IL15RA: variants seen among roughly 807,000 people sequenced by gnomAD.
The protein encoded by IL15RA is interleukin-15 receptor subunit alpha.
Under a neutral mutation model 24.2 loss-of-function variants are expected in IL15RA, and 26 were observed. The observed-to-expected ratio is 1.07, with a 90% CI of 0.79 to 1.49. The LOEUF (loss-of-function observed/expected upper bound fraction) is 1.49, where lower values mean the gene tolerates loss of function less well. IL15RA is among the 40% of genes most tolerant of loss of function. IL15RA has a pLI of 0.00. For missense variants in IL15RA, 354 were observed against 356.4 expected, an observed-to-expected ratio of 0.99 and a Z score of 0.05; for synonymous variants, 166 against 157.6, an observed-to-expected ratio of 1.05 and a Z score of -0.40.
chr10:5,977,744 T>G, upstream of IL15RA: 1 of 918,378 alleles, frequency 1.1e-6, no homozygotes, highest in Non-Finnish European at 1.4e-6. Flanking sequence ...CCGGGACGCA[T>G]GGGCCGTGCC....
At position 5,959,878 on chromosome 10, in the gene IL15RA, T is replaced by C. The variant is rs1032885288; in HGVS notation, c.584-92A>G. 122 of 1,226,182 alleles carry C rather than the reference T, an allele frequency of 9.9e-5. 1 individual carries two copies. In the South Asian group the frequency reaches 1.5e-3, roughly 15 times the overall value. 76.0% of individuals were successfully genotyped at this position (1,226,182 alleles called of 1,614,324 possible). The stretch of plus-strand genomic sequence containing the variant: ...GAAAATCTGCATGGCTTGGCTCCCA[T>C]CTTAGCACCCTGGGAGACTCGTGGC... On this transcript the variant is annotated intron_variant, in intron 4 of 6. Transcript: ENST00000379977. This position sits in a 1 kb window ranked among gnomAD's most constrained non-coding sequence, Gnocchi z 4.1.
Position 5,960,298 on chromosome 10 carries a change from G to GGATCTCAGCCCC in IL15RA, c.583+57_583+68dup. On this transcript the variant is annotated intron_variant, in intron 4 of 6. Coordinates refer to ENST00000379977, the MANE Select transcript of IL15RA (RefSeq NM_002189.4). This position sits in a 1 kb window ranked among gnomAD's most constrained non-coding sequence, Gnocchi z 5.1. Reference sequence around the variant, plus strand: ...TGATGGTATAAAGCTGCCTTGTGCCGGATCTCAGCCCCGATCTCAGAAGCA... The same window carrying GGATCTCAGCCCC: ...TGATGGTATAAAGCTGCCTTGTGCCGGATCTCAGCCCCGATCTCAGCCCCGATCTCAGAAGCA... 1.4e-6 allele frequency: 2 copies of GGATCTCAGCCCC among 1,390,848 alleles called. No individual in the cohort carries two copies. Among genetic ancestry groups the GGATCTCAGCCCC allele is most frequent in the Non-Finnish European group, 2.0e-6 (2 of 979,320 alleles). 86.2% of individuals were successfully genotyped at this position (1,390,848 alleles called of 1,614,324 possible).
At chr10:5,949,825 G>C (rs41294017), downstream of IL15RA, among the ~76,000 whole-genome samples, 2,198 of 152,250 alleles carry the variant, frequency 0.014, 25 homozygotes, top group Admixed American at 0.019. The surrounding 1 kb of genome is among the most constrained non-coding windows in gnomAD (Gnocchi z 4.4). Context: ...TGCCAGGCAC[G>C]GTGGCTCAAG....
rs8177768 is a variant in IL15RA at position 5,975,403 on chromosome 10, G to A, written c.88+2002C>T. ...AAGTGCATCAAATTGCCTGGGAGAT[G>A]GGCGAGGTGGGAGATGAGGACTGTG... On this transcript the variant is annotated intron_variant, in intron 1 of 6. Coordinates refer to ENST00000379977, the MANE Select transcript of IL15RA (RefSeq NM_002189.4). This position sits in a 1 kb window ranked among gnomAD's most constrained non-coding sequence, Gnocchi z 4.8. Among the ~76,000 whole-genome samples the A allele has an allele frequency of 3.8e-3, 582 of 152,116 alleles. 1 individual carries two copies. The highest frequency in any genetic ancestry group is 5.6e-3 in the Non-Finnish European group (384 of 68,018).
chr10:5,952,197 T>C (rs766737716), downstream of IL15RA, among the ~76,000 whole-genome samples: 3 of 152,162 alleles, frequency 2.0e-5, no homozygotes, highest in Non-Finnish European at 4.4e-5. Flanking sequence ...TAGATAATGC[T>C]GCTTCTCCTC....
In IL15RA at chr10:5,963,736, T is replaced by C. The variant is rs910101794; in HGVS notation, c.382+7A>G. The C allele has an allele frequency of 9.9e-6, 15 of 1,507,860 alleles. No individual in the cohort carries two copies. Among genetic ancestry groups the C allele is most frequent in the African/African-American group, 2.9e-5 (2 of 68,104 alleles). The allele number at this position is 1,507,860 out of a possible 1,614,324, so 93.4% of individuals were successfully genotyped here. A position where few individuals can be genotyped will look rare whatever the true frequency, so the allele number is the denominator to read the frequency against. On this transcript the variant is annotated splice_region_variant and intron_variant, in intron 3 of 6. Transcript: ENST00000379977. The surrounding 1 kb of genome is among the most constrained non-coding windows in gnomAD (Gnocchi z 5.3). ...GAATGTCCTCGAGAAGTTTCTGACC[T>C]TCCTACCTTTTCCAGAAGGGGAGAG...
intron 1 of IL15RA, among the ~76,000 whole-genome samples, chr10:5,969,479 C>A (rs904576676): frequency 6.6e-6 from 1 of 152,166 alleles, no homozygotes; most frequent in African/African-American, 2.4e-5. Context: ...CTCAAGTGAT[C>A]TTTCCACCTC....
rs1396486255 is a variant in IL15RA, at chr10:5,959,742, G to A, written c.616+12C>T. The A allele has an allele frequency of 6.2e-7, 1 of 1,612,322 alleles. No individual in the cohort carries two copies. The highest frequency in any genetic ancestry group is 1.1e-5 in the South Asian group (1 of 91,040). The stretch of plus-strand genomic sequence containing the variant: ...CTGATCATAAACATACCGGACAAAG[G>A]GACACACTTACCAGTGGTGTCGCTG... On this transcript the variant is annotated intron_variant, in intron 5 of 6. Transcript: ENST00000379977. This position sits in a 1 kb window ranked among gnomAD's most constrained non-coding sequence, Gnocchi z 4.1.
In IL15RA at chr10:5,958,852, T is replaced by C. The variant is rs1834992732; in HGVS notation, c.616+902A>G. ...AGAAGATTAAAATAATTTTTGTCCA[T>C]ATCAAATTACAGTTGGGTTTTTTGT... On this transcript the variant is annotated intron_variant, in intron 5 of 6. Transcript: ENST00000379977. The surrounding 1 kb of genome is among the most constrained non-coding windows in gnomAD (Gnocchi z 4.3). Among the ~76,000 whole-genome samples, 1 of 152,208 alleles carries C rather than the reference T, an allele frequency of 6.6e-6. No homozygotes were observed. The highest frequency in any genetic ancestry group is 2.1e-4 in the South Asian group (1 of 4,830).
chr10:5,963,849 G>A lies in IL15RA; in HGVS notation c.284-8C>T. 6.5e-7 allele frequency: 1 copy of A among 1,547,098 alleles called. No homozygotes were observed. ...GAACCAGGGCAGGGTCTCCTAGAGA[G>A]AGGATAACCACATGGCACTTATGAT... On this transcript the variant is annotated splice_polypyrimidine_tract_variant and splice_region_variant and intron_variant, in intron 2 of 6. Transcript: ENST00000379977. This position sits in a 1 kb window ranked among gnomAD's most constrained non-coding sequence, Gnocchi z 5.3.
intron 6 of IL15RA, among the ~76,000 whole-genome samples, chr10:5,954,248 T>C (rs1421491983): frequency 8.0e-5 from 12 of 150,042 alleles, no homozygotes; most frequent in South Asian, 6.4e-4. Context: ...GCTGGCTTGC[T>C]GCAGCCTCTG....
Position 5,965,501 on chromosome 10 carries a change from T to C in IL15RA, c.283+644A>G, listed in dbSNP as rs1314247131. Among the ~76,000 whole-genome samples, 3 of 152,178 alleles carry C rather than the reference T, an allele frequency of 2.0e-5. No homozygotes were observed. Among genetic ancestry groups the C allele is most frequent in the Non-Finnish European group, 4.4e-5 (3 of 68,030 alleles). ...AAGCACTACATGTAATAAGAGTTAA[T>C]ATTTACCAGGGTTCACGCCACCCTC... On this transcript the variant is annotated intron_variant, in intron 2 of 6. Transcript: ENST00000379977. The surrounding 1 kb of genome is among the most constrained non-coding windows in gnomAD (Gnocchi z 5.8).
upstream of IL15RA, chr10:5,977,835 T>C (rs757315671): frequency 3.8e-5 from 15 of 394,580 alleles, no homozygotes; most frequent in Non-Finnish European, 5.8e-5. Context: ...GGACCTCCAG[T>C]GTGCACTCGG....
At chr10:5,951,141 C>CAAAAAAA (rs60771366), downstream of IL15RA, among the ~76,000 whole-genome samples, 48 of 35,954 alleles carry the variant, frequency 1.3e-3, no homozygotes, top group African/African-American at 5.1e-3. Flanking sequence ...GACTCAGTCT[C>CAAAAAAA]AAAAAAAAAA....
rs1424915676 is a variant in IL15RA, at chr10:5,970,732, C to A, written c.89-4393G>T. Among the ~76,000 whole-genome samples, 1 of 140,148 alleles carries A rather than the reference C, an allele frequency of 7.1e-6. No homozygotes were observed. The highest frequency in any genetic ancestry group is 1.5e-5 in the Non-Finnish European group (1 of 66,142). 91.9% of individuals were successfully genotyped at this position (140,148 alleles called of 152,430 possible). A position where few individuals can be genotyped will look rare whatever the true frequency, so the allele number is the denominator to read the frequency against. On this transcript the variant is annotated intron_variant, in intron 1 of 6. Transcript: ENST00000379977. The surrounding 1 kb of genome is among the most constrained non-coding windows in gnomAD (Gnocchi z 4.1). ...TTTTTAAAATGATTTTATTTTATTT[C>A]ATTATTATTTTATTTTATTTTATTT...
In IL15RA at chr10:5,961,819, G is replaced by A. The variant is rs953735376; in HGVS notation, c.383-1252C>T. 6.6e-5 allele frequency among the ~76,000 whole-genome samples: 10 copies of A among 152,336 alleles called. No homozygotes were observed. Among genetic ancestry groups the A allele is most frequent in the African/African-American group, 1.4e-4 (6 of 41,568 alleles). On this transcript the variant is annotated intron_variant, in intron 3 of 6. Coordinates refer to ENST00000379977, the MANE Select transcript of IL15RA (RefSeq NM_002189.4). This position sits in a 1 kb window ranked among gnomAD's most constrained non-coding sequence, Gnocchi z 5.2. ...GGCCAAGCGCTGTGGCTCTCTGGAC[G>A]CACTGTTGTTGCCGCGTTCCCATGG...
chr10:5,969,303 AT>A (rs1418000733), intron 1 of IL15RA, among the ~76,000 whole-genome samples: 1 of 149,684 alleles, frequency 6.7e-6, no homozygotes, highest in East Asian at 1.9e-4. Flanking sequence ...TTTAAATTAA[AT>A]TTTTTAATTT....
rs976299243 is a variant in IL15RA at position 5,961,654 on chromosome 10, T to C, written c.383-1087A>G. On this transcript the variant is annotated intron_variant, in intron 3 of 6. Coordinates refer to ENST00000379977, the MANE Select transcript of IL15RA (RefSeq NM_002189.4). The surrounding 1 kb of genome is among the most constrained non-coding windows in gnomAD (Gnocchi z 5.2). ...CTCAGGAACAGAGGCTGCCTTGTGT[T>C]CAGCGTCTTCCCTGTCTTCCTTGTC... is the stretch of plus-strand genomic sequence containing the variant. Among the ~76,000 whole-genome samples, 5 of 152,236 alleles carry C rather than the reference T, an allele frequency of 3.3e-5. No homozygotes were observed. Among genetic ancestry groups the C allele is most frequent in the Admixed American group, 1.3e-4 (2 of 15,288 alleles).
In IL15RA at chr10:5,955,857, C is replaced by T. The variant is rs3136630; in HGVS notation, c.692+522G>A. On this transcript the variant is annotated intron_variant, in intron 6 of 6. Coordinates refer to ENST00000379977, the MANE Select transcript of IL15RA (RefSeq NM_002189.4). This position sits in a 1 kb window ranked among gnomAD's most constrained non-coding sequence, Gnocchi z 5.3. Reference sequence around the variant, plus strand: ...CTTTCTCTGGCCGCCCCATTTCTACCATGAGCAGGGGTAGGGGGCACTTGG... The same window carrying T: ...CTTTCTCTGGCCGCCCCATTTCTACTATGAGCAGGGGTAGGGGGCACTTGG... Among the ~76,000 whole-genome samples the T allele has an allele frequency of 0.38, 57,448 of 151,932 alleles. 12,013 individuals are homozygous for T. The highest frequency in any genetic ancestry group is 0.57 in the African/African-American group (23,463 of 41,426).
Sources: gnomAD v4.1 joint callset for allele counts (sites outside exome capture counted in the v4.1 genomes callset) on GRCh38, gnomAD v4.1.1 for gene constraint, Gnocchi (gnomAD v3.1) non-coding constraint, MANE v1.5 for transcripts, NCBI Gene and HGNC (gene_info 2026-07-23, HGNC 2026-07-21) for gene names.